The following ARK2C variants were observed in gnomAD, a reference collection of about 807,000 sequenced individuals.
ARK2C encodes the protein E3 ubiquitin-protein ligase ARK2C.
At chr18:46,423,240 G>A in the ARK2C span, among the ~76,000 whole-genome samples, 2 of 152,210 alleles carry the variant, frequency 1.3e-5, no homozygotes, top group African/African-American at 4.8e-5. Context: ...GCTCTACAGA[G>A]GCAGGGCTTG....
chr18:46,448,453 G>T, the ARK2C span, among the ~76,000 whole-genome samples: 2 of 152,210 alleles, frequency 1.3e-5, no homozygotes, highest in African/African-American at 4.8e-5. Context: ...GGGCAGCGTG[G>T]CAGGGTGTGG....
At chr18:46,348,853 C>T in the ARK2C span, among the ~76,000 whole-genome samples, 1 of 152,082 alleles carries the variant, frequency 6.6e-6, no homozygotes, top group South Asian at 2.1e-4. Context: ...TTTGCTTTAG[C>T]AGCATTTCCC....
At chr18:46,379,439 C>G in the ARK2C span, among the ~76,000 whole-genome samples, 311 of 152,338 alleles carry the variant, frequency 2.0e-3, 2 homozygotes, top group African/African-American at 7.0e-3. Context: ...CTCACACCCA[C>G]CTTCCCTCCC....
At chr18:46,378,837 G>T in the ARK2C span, among the ~76,000 whole-genome samples, 580 of 152,290 alleles carry the variant, frequency 3.8e-3, 6 homozygotes, top group African/African-American at 0.013. Flanking sequence ...CACAACGGAG[G>T]GGGTGCAGGA....
the ARK2C span, chr18:46,433,418 C>G: frequency 6.2e-7 from 1 of 1,613,370 alleles, no homozygotes; most frequent in African/African-American, 1.3e-5. Context: ...ACAGGTCCCT[C>G]CTTCCTACCT....
At chr18:46,376,664 CTTT>C in the ARK2C span, among the ~76,000 whole-genome samples, 279 of 72,220 alleles carry the variant, frequency 3.9e-3, no homozygotes, top group African/African-American at 0.015. Context: ...GGTTAATAAT[CTTT>C]TTTTTTTTTT....
chr18:46,450,809 C>T, the ARK2C span: 2 of 1,598,496 alleles, frequency 1.3e-6, no homozygotes, highest in South Asian at 1.1e-5. Flanking sequence ...GGTGGGTCTG[C>T]CAGCAGGCCA....
chr18:46,449,320 A>G, the ARK2C span, among the ~76,000 whole-genome samples: 1 of 152,130 alleles, frequency 6.6e-6, no homozygotes, highest in Non-Finnish European at 1.5e-5. Context: ...TAAAATATTG[A>G]TATTTTGCTC....
chr18:46,456,800 A>C, the ARK2C span: 1 of 622,624 alleles, frequency 1.6e-6, no homozygotes, highest in Non-Finnish European at 2.9e-6. Flanking sequence ...GAGGGAGAGG[A>C]GGGGGTTGGG....
At chr18:46,460,487 G>T in the ARK2C span, 1 of 152,114 alleles carries the variant, frequency 6.6e-6, no homozygotes, top group South Asian at 2.1e-4. Context: ...TGTAGATATC[G>T]TGGGTTCTTA....
chr18:46,394,505 C>T, the ARK2C span, among the ~76,000 whole-genome samples: 1 of 152,204 alleles, frequency 6.6e-6, no homozygotes, highest in African/African-American at 2.4e-5. Flanking sequence ...CCATCCTCCA[C>T]CTTCCCCCCA....
the ARK2C span, among the ~76,000 whole-genome samples, chr18:46,350,984 C>T: frequency 6.6e-6 from 1 of 152,174 alleles, no homozygotes; most frequent in Non-Finnish European, 1.5e-5. Context: ...GAGGTGCAGC[C>T]ATAAATCATG....
the ARK2C span, among the ~76,000 whole-genome samples, chr18:46,426,537 C>G: frequency 3.3e-5 from 5 of 152,316 alleles, no homozygotes; most frequent in East Asian, 9.7e-4. Context: ...CTGTGCAGGG[C>G]TATCCTCAGC....
the ARK2C span, among the ~76,000 whole-genome samples, chr18:46,402,765 T>C: frequency 6.6e-6 from 1 of 152,238 alleles, no homozygotes; most frequent in East Asian, 1.9e-4. Context: ...CCTCCCAAAG[T>C]ACTGGGATTG....
chr18:46,385,504 T>C, the ARK2C span, among the ~76,000 whole-genome samples: 1 of 152,222 alleles, frequency 6.6e-6, no homozygotes, highest in African/African-American at 2.4e-5. Context: ...CTGACTCTAG[T>C]GGACAGAGAA....
chr18:46,338,123 G>A, the ARK2C span, among the ~76,000 whole-genome samples: 1 of 152,152 alleles, frequency 6.6e-6, no homozygotes, highest in African/African-American at 2.4e-5. Context: ...AACCCATTTT[G>A]AGTTGTGTTT....
the ARK2C span, among the ~76,000 whole-genome samples, chr18:46,437,955 A>G: frequency 6.6e-6 from 1 of 152,190 alleles, no homozygotes; most frequent in Admixed American, 6.5e-5. Flanking sequence ...TGCCTCAGCA[A>G]AGCTCCCAAA....
the ARK2C span, chr18:46,433,115 C>T: frequency 1.7e-6 from 2 of 1,184,488 alleles, no homozygotes; most frequent in Non-Finnish European, 2.3e-6. Context: ...CAGGCTGCCC[C>T]GGGTGGGCAC....
chr18:46,431,884 T>C, the ARK2C span, among the ~76,000 whole-genome samples: 1 of 152,250 alleles, frequency 6.6e-6, no homozygotes, highest in African/African-American at 2.4e-5. Flanking sequence ...GACTTGTCCA[T>C]TCCTTCTTGA....
Sources: gnomAD v4.1 joint callset for allele counts (sites outside exome capture counted in the v4.1 genomes callset) on GRCh38, gnomAD v4.1.1 for gene constraint, MANE v1.5 for transcripts, NCBI Gene and HGNC (gene_info 2026-07-23, HGNC 2026-07-21) for gene names.